Variants in CFAP47 observed in about 807,000 individuals in gnomAD.
CFAP47 encodes cilia and flagella associated protein 47, also known as cilia- and flagella-associated protein 47.
In CFAP47, 29 loss-of-function variants were observed where a neutral mutation model predicts 148.1. The observed-to-expected ratio is 0.20, with a 90% CI of 0.15 to 0.27. The LOEUF (loss-of-function observed/expected upper bound fraction) is 0.27. Ranked by LOEUF, CFAP47 falls within the 10% of genes least tolerant of loss-of-function variation. CFAP47 has a pLI of 1.00. For missense variants in CFAP47, 1,872 were observed against 1,697.5 expected, an observed-to-expected ratio of 1.10 and a Z score of -1.81; for synonymous variants, 664 against 577.3, an observed-to-expected ratio of 1.15 and a Z score of -2.15.
At chrX:36,202,223 T>C (rs782649730) in intron 44 of CFAP47, among the ~76,000 whole-genome samples, 1 of 111,695 alleles carries the variant, frequency 9.0e-6, no homozygotes, top group East Asian at 2.8e-4. Flanking sequence ...ATTTTTATGA[T>C]TGGAATTAGG....
At position 36,270,999 on chromosome X, in the gene CFAP47, T is replaced by C. The variant is rs782772880; in HGVS notation, c.7445-9488T>C. 1.5e-3 allele frequency among the ~76,000 whole-genome samples: 162 copies of C among 110,619 alleles called. 1 individual carries two copies. The highest frequency in any genetic ancestry group is 4.8e-3 in the African/African-American group (147 of 30,471). On this transcript the variant is annotated intron_variant, in intron 49 of 63. Coordinates refer to ENST00000378653, the MANE Select transcript of CFAP47 (RefSeq NM_001304548.2). ...TTTCATCAGCCATGTAATTTTGTTTTTCCCACCTTGCTGTTTTGGTCCTCT... is the reference window on the plus strand; with the variant it reads ...TTTCATCAGCCATGTAATTTTGTTTCTCCCACCTTGCTGTTTTGGTCCTCT...
intron 49 of CFAP47, among the ~76,000 whole-genome samples, chrX:36,262,527 T>G (rs1462825908): frequency 8.9e-6 from 1 of 112,256 alleles, no homozygotes; most frequent in Non-Finnish European, 1.9e-5. Context: ...TGCATCTATG[T>G]TATTACAAAT....
chrX:35,960,380 G>GGAAAAAAAAAA (rs1227681980), intron 8 of CFAP47, among the ~76,000 whole-genome samples: 6 of 15,489 alleles, frequency 3.9e-4, no homozygotes, highest in African/African-American at 1.6e-3. Context: ...GCTAATTTCT[G>GGAAAAAAAAAA]AAAAAAAAAA....
At position 36,321,353 on chromosome X, in the gene CFAP47, G is replaced by T. The variant is rs782817630; in HGVS notation, c.8443+2046G>T. 6.3e-5 allele frequency among the ~76,000 whole-genome samples: 7 copies of T among 111,356 alleles called. No homozygotes were observed. The South Asian group carries it at 2.7e-3, about 42-fold the overall frequency. On this transcript the variant is annotated intron_variant, in intron 57 of 63. Coordinates refer to ENST00000378653, the MANE Select transcript of CFAP47 (RefSeq NM_001304548.2). Reference sequence around the variant, plus strand: ...CATGGAGATGGAGAGTAGAATGATGGTTACCAGAGATTGGGAAGAGTAATG... The same window carrying T: ...CATGGAGATGGAGAGTAGAATGATGTTTACCAGAGATTGGGAAGAGTAATG...
intron 49 of CFAP47, among the ~76,000 whole-genome samples, chrX:36,253,527 TGGTTAAAGAACCGTGTCCATGTATG>T (rs1940716599): frequency 8.9e-6 from 1 of 111,821 alleles, no homozygotes; most frequent in African/African-American, 3.3e-5. Flanking sequence ...CTGCTTTTGC[TGGTTAAAGAACCGTGTCCATGTATG>T]GGTGCATGCA....
chrX:36,313,466 A>G (rs1941410288), intron 56 of CFAP47, among the ~76,000 whole-genome samples: 1 of 111,276 alleles, frequency 9.0e-6, no homozygotes, highest in African/African-American at 3.3e-5. Flanking sequence ...AGTTCCCACA[A>G]GATTCCTCCC....
chrX:36,299,923 C>T (rs1040832151), intron 52 of CFAP47, among the ~76,000 whole-genome samples: 1 of 111,417 alleles, frequency 9.0e-6, no homozygotes. Flanking sequence ...TATTATTCTG[C>T]GAAGCATGAA....
chrX:36,331,846 C>T (rs1005462396), intron 57 of CFAP47, among the ~76,000 whole-genome samples: 1 of 111,503 alleles, frequency 9.0e-6, no homozygotes, highest in Non-Finnish European at 1.9e-5. Flanking sequence ...AAACAGAACC[C>T]GGAGTAATAT....
intron 19 of CFAP47, among the ~76,000 whole-genome samples, chrX:35,999,032 T>C (rs1184620659): frequency 5.4e-5 from 6 of 111,629 alleles, no homozygotes; most frequent in Non-Finnish European, 1.1e-4. Flanking sequence ...ATTTATTAAC[T>C]ATACAGTAAT....
At chrX:36,145,555 A>G (rs1420127042) in intron 36 of CFAP47, among the ~76,000 whole-genome samples, 1 of 112,014 alleles carries the variant, frequency 8.9e-6, no homozygotes, top group Non-Finnish European at 1.9e-5. Flanking sequence ...AAGAGTAATC[A>G]CCACTTGCAA....
intron 35 of CFAP47, among the ~76,000 whole-genome samples, chrX:36,142,158 C>G (rs58938201): frequency 9.0e-6 from 1 of 111,136 alleles, no homozygotes; most frequent in Non-Finnish European, 1.9e-5. Context: ...TTATATTTGG[C>G]GTCTTATTTG....
intron 52 of CFAP47, 82 bp from the exon 53 acceptor site, chrX:36,300,990 T>C (rs1556007712): frequency 4.0e-6 from 2 of 498,153 alleles, no homozygotes; most frequent in African/African-American, 4.9e-5. Context: ...CTATTTATAC[T>C]AGTTTGGGGT....
intron 57 of CFAP47, among the ~76,000 whole-genome samples, chrX:36,328,014 A>C (rs1413575303): frequency 8.9e-6 from 1 of 111,833 alleles, no homozygotes; most frequent in Non-Finnish European, 1.9e-5. Context: ...CACTACGTGC[A>C]TGATGGGATT....
chrX:36,065,108 A>G (rs992228590), intron 26 of CFAP47, among the ~76,000 whole-genome samples: 20 of 112,121 alleles, frequency 1.8e-4, no homozygotes, highest in Non-Finnish European at 3.6e-4. Context: ...TGAAATCTGA[A>G]CATAAACCTT....
intron 36 of CFAP47, among the ~76,000 whole-genome samples, chrX:36,147,279 A>G (rs1335439340): frequency 2.7e-5 from 3 of 111,595 alleles, no homozygotes; most frequent in Non-Finnish European, 5.6e-5. Flanking sequence ...GTTCCCTTAA[A>G]CAGCTAGCTC....
intron 27 of CFAP47, among the ~76,000 whole-genome samples, chrX:36,067,408 C>T (rs989187564): frequency 4.5e-5 from 5 of 111,468 alleles, no homozygotes; most frequent in African/African-American, 1.6e-4. Context: ...GTGCCAAATC[C>T]GGAAACCTGA....
intron 32 of CFAP47, among the ~76,000 whole-genome samples, chrX:36,101,035 G>A (rs925804855): frequency 1.8e-5 from 2 of 110,789 alleles, no homozygotes; most frequent in Non-Finnish European, 3.8e-5. Context: ...TTCCTGACTT[G>A]CTCCTCCTGT....
At chrX:35,932,272 T>TG (rs1403222035) in intron 2 of CFAP47, among the ~76,000 whole-genome samples, 3 of 104,237 alleles carry the variant, frequency 2.9e-5, no homozygotes, top group Non-Finnish European at 5.9e-5. Flanking sequence ...TTCTTTTTTT[T>TG]TTTTTGAGAT....
At chrX:36,047,430 A>T (rs776177432) in intron 26 of CFAP47, among the ~76,000 whole-genome samples, 2 of 112,262 alleles carry the variant, frequency 1.8e-5, no homozygotes, top group South Asian at 7.3e-4. Context: ...CCCAAAGGAA[A>T]TGCTAAATAA....
Sources: allele counts gnomAD v4.1 joint callset (sites outside exome capture counted in the v4.1 genomes callset), GRCh38; gene constraint gnomAD v4.1.1; transcripts MANE v1.5; gene names NCBI Gene and HGNC (gene_info 2026-07-23, HGNC 2026-07-21).